The following OPCML variants were observed in gnomAD, a reference collection of about 807,000 sequenced individuals.
The protein encoded by OPCML is opioid binding protein/cell adhesion molecule like.
A neutral mutation model predicts 37.8 loss-of-function variants in OPCML; 13 were observed. That is an observed-to-expected ratio of 0.34 (90% CI 0.22 to 0.55). The LOEUF (loss-of-function observed/expected upper bound fraction) is 0.55, where lower values mean the gene tolerates loss of function less well. Ranked by LOEUF, OPCML falls within the 20% of genes least tolerant of loss-of-function variation. The pLI is 0.91. For missense variants in OPCML, 341 were observed against 435.6 expected (o/e 0.78, Z 1.93); for synonymous variants, 176 against 168.8 (o/e 1.04, Z -0.33).
intron 3 of OPCML, among the ~76,000 whole-genome samples, chr11:132,605,858 A>G (rs1440522776): frequency 6.6e-6 from 1 of 152,196 alleles, no homozygotes; most frequent in African/African-American, 2.4e-5. Flanking sequence ...GACTGAATAA[A>G]TGAATGAATA....
At position 133,005,008 on chromosome 11, in the gene OPCML, C is replaced by A. The variant is rs147748658; in HGVS notation, c.62-61998G>T. On this transcript the variant is annotated intron_variant, in intron 1 of 7. Coordinates refer to ENST00000524381, the MANE Select transcript of OPCML (RefSeq NM_001012393.5). The stretch of plus-strand genomic sequence containing the variant: ...ACTGCTGCACTCTTACTCCTCCCAT[C>A]CCTCCTTTCTCAGCATTGGTGGCAG... 813 of 985,402 alleles carry A rather than the reference C, an allele frequency of 8.3e-4. 8 individuals are homozygous for A. The African/African-American group carries it at 0.013, about 16-fold the overall frequency. 61.0% of individuals were successfully genotyped at this position (985,402 alleles called of 1,614,324 possible). A position where few individuals can be genotyped will look rare whatever the true frequency, so the allele number is the denominator to read the frequency against.
At chr11:132,782,797 G>A (rs973980184) in intron 2 of OPCML, among the ~76,000 whole-genome samples, 11 of 150,838 alleles carry the variant, frequency 7.3e-5, no homozygotes, top group African/African-American at 1.2e-4. Flanking sequence ...ACATTGACTC[G>A]ATAGACAGTA....
rs1565468606 is a variant in OPCML at position 133,140,937 on chromosome 11, A to AGAAGAC, written c.62-197928_62-197927insGTCTTC. On this transcript the variant is annotated intron_variant, in intron 1 of 7. Coordinates refer to ENST00000524381, the MANE Select transcript of OPCML (RefSeq NM_001012393.5). ...AAGAAGAAGACGACGACGACGAAGA[A>AGAAGAC]GAAGAAGACGACGAAGAAGAAGAAG... Among the ~76,000 whole-genome samples, 21 of 16,728 alleles carry AGAAGAC rather than the reference A, an allele frequency of 1.3e-3. 2 individuals carry two copies. Among genetic ancestry groups the AGAAGAC allele is most frequent in the African/African-American group, 2.7e-3 (21 of 7,780 alleles). The allele number at this position is 16,728 out of a possible 152,430, so 11.0% of individuals were successfully genotyped here.
chr11:132,563,791 C>A (rs1053993308), intron 3 of OPCML, among the ~76,000 whole-genome samples: 2 of 143,684 alleles, frequency 1.4e-5, no homozygotes, highest in African/African-American at 2.6e-5. Flanking sequence ...ATTAAAAAAA[C>A]AACGAAAACA....
rs1949926780 is a variant in OPCML at position 133,148,311 on chromosome 11, C to G, written c.62-205301G>C. On this transcript the variant is annotated intron_variant, in intron 1 of 7. Transcript: ENST00000524381. Reference sequence around the variant, plus strand: ...AAGCTTGCTCCCTCATGCCATTGATCAGATAATTTGTACTGAGAGCTCACA... The same window carrying G: ...AAGCTTGCTCCCTCATGCCATTGATGAGATAATTTGTACTGAGAGCTCACA... Among the ~76,000 whole-genome samples the G allele has an allele frequency of 1.3e-5, 2 of 152,142 alleles. 1 individual carries two copies. Among genetic ancestry groups the G allele is most frequent in the Admixed American group, 1.3e-4 (2 of 15,284 alleles).
At chr11:132,595,463 C>CT (rs368587313) in intron 3 of OPCML, among the ~76,000 whole-genome samples, 88 of 152,236 alleles carry the variant, frequency 5.8e-4, no homozygotes, top group African/African-American at 2.0e-3. Flanking sequence ...CTTTTACTTT[C>CT]TTTTTTTCCC....
At chr11:132,914,888 G>A (rs1167652542) in intron 2 of OPCML, among the ~76,000 whole-genome samples, 1 of 152,238 alleles carries the variant, frequency 6.6e-6, no homozygotes, top group African/African-American at 2.4e-5. Flanking sequence ...GTCTTTGTGT[G>A]AGAGCTCCTG....
At chr11:132,478,959 CA>C (rs1310929224) in intron 4 of OPCML, among the ~76,000 whole-genome samples, 5 of 151,992 alleles carry the variant, frequency 3.3e-5, no homozygotes, top group African/African-American at 9.7e-5. Context: ...AATGTTCAGG[CA>C]TTTTTTTTTC....
intron 1 of OPCML, among the ~76,000 whole-genome samples, chr11:133,002,992 C>G (rs1160826753): frequency 6.6e-6 from 1 of 152,126 alleles, no homozygotes; most frequent in African/African-American, 2.4e-5. Flanking sequence ...GTCACAGTGA[C>G]TTTTCTGATA....
chr11:133,353,603 G>T (rs975919014), intron 1 of OPCML, among the ~76,000 whole-genome samples: 2 of 152,200 alleles, frequency 1.3e-5, no homozygotes, highest in Admixed American at 1.3e-4. Context: ...CAAAGCCTCT[G>T]GTCCCTTCTC....
chr11:132,660,290 C>A (rs953580293), intron 2 of OPCML, among the ~76,000 whole-genome samples: 25 of 152,140 alleles, frequency 1.6e-4, no homozygotes, highest in Non-Finnish European at 2.4e-4. Context: ...GCAATGCCAA[C>A]TCAATTATTT....
intron 1 of OPCML, among the ~76,000 whole-genome samples, chr11:132,955,909 C>G (rs1416829205): frequency 6.6e-6 from 1 of 152,198 alleles, no homozygotes; most frequent in African/African-American, 2.4e-5. Context: ...AAATGCTGAA[C>G]CTTTTCCTAT....
chr11:132,791,541 C>T (rs1023197640), intron 2 of OPCML, among the ~76,000 whole-genome samples: 4 of 152,160 alleles, frequency 2.6e-5, no homozygotes, highest in African/African-American at 7.2e-5. Flanking sequence ...AACAACTGCA[C>T]ACCTTAAGCC....
intron 1 of OPCML, among the ~76,000 whole-genome samples, chr11:133,245,860 C>A (rs1470388677): frequency 6.6e-6 from 1 of 152,076 alleles, no homozygotes; most frequent in Non-Finnish European, 1.5e-5. Flanking sequence ...AGCAAACTAA[C>A]ACAGGAACAG....
chr11:132,983,465 G>A (rs544437099), intron 1 of OPCML, among the ~76,000 whole-genome samples: 25 of 152,246 alleles, frequency 1.6e-4, no homozygotes, highest in Non-Finnish European at 3.1e-4. Context: ...GCCCTGACTC[G>A]CTGCTGGGAC....
At chr11:133,281,035 T>C (rs1198723115) in intron 1 of OPCML, among the ~76,000 whole-genome samples, 1 of 152,136 alleles carries the variant, frequency 6.6e-6, no homozygotes, top group Non-Finnish European at 1.5e-5. Flanking sequence ...ACTGGAGAAA[T>C]TGTCTGAATA....
At chr11:133,080,177 C>T (rs536266904) in intron 1 of OPCML, among the ~76,000 whole-genome samples, 5 of 152,212 alleles carry the variant, frequency 3.3e-5, no homozygotes, top group African/African-American at 9.6e-5. Context: ...TGCAGATGGC[C>T]GGATGTATAG....
chr11:133,485,776 G>T (rs923128766), intron 1 of OPCML, among the ~76,000 whole-genome samples: 1 of 152,162 alleles, frequency 6.6e-6, no homozygotes, highest in Non-Finnish European at 1.5e-5. Context: ...TTGTGGATGT[G>T]TGCAAAGCAG....
rs117847924 is a variant in OPCML, at chr11:132,820,030, G to A, written c.146+122896C>T. On this transcript the variant is annotated intron_variant, in intron 2 of 7. Coordinates refer to ENST00000524381, the MANE Select transcript of OPCML (RefSeq NM_001012393.5). ...CATCTTCACTCTGGAAACGTCAGAG[G>A]GTCTTACATATAGCCTTAACACAGC... is the stretch of plus-strand genomic sequence containing the variant. 6.3e-4 allele frequency among the ~76,000 whole-genome samples: 95 copies of A among 151,994 alleles called. 1 individual carries two copies. The East Asian group carries it at 0.018, about 29-fold the overall frequency.
Sources: allele counts gnomAD v4.1 joint callset (sites outside exome capture counted in the v4.1 genomes callset), GRCh38; gene constraint gnomAD v4.1.1; transcripts MANE v1.5; gene names NCBI Gene and HGNC (gene_info 2026-07-23, HGNC 2026-07-21).